The following ERN1 variants were observed in gnomAD, a reference collection of about 807,000 sequenced individuals.
ERN1 encodes serine/threonine-protein kinase/endoribonuclease IRE1.
ERN1 carries 39 observed loss-of-function variants against 113.1 expected under a neutral mutation model. The ratio of observed to expected loss-of-function variants is 0.34; its 90% CI spans 0.27 to 0.45. The LOEUF is 0.45. Ranked by LOEUF, ERN1 falls within the 20% of genes least tolerant of loss-of-function variation. The probability of loss-of-function intolerance (pLI) is 1.00; values close to 1 mark genes in which losing one functional copy is unlikely to be tolerated. For synonymous variants in ERN1, 507 were observed against 515.9 expected (o/e 0.98, Z 0.23); for missense variants, 976 against 1,274.8 (o/e 0.77, Z 3.57).
At chr17:64,067,974 G>A in intron 7 of ERN1, 2 of 506,402 alleles carry the variant, frequency 3.9e-6, no homozygotes, top group South Asian at 5.5e-5. Flanking sequence ...GGCTAAGCTT[G>A]TCACCATTTT....
chr17:64,098,778 T>TA (rs1408595802), intron 1 of ERN1, among the ~76,000 whole-genome samples: 2 of 152,016 alleles, frequency 1.3e-5, no homozygotes, highest in Non-Finnish European at 2.9e-5. Flanking sequence ...AGTAAATGAA[T>TA]AAAAAGCATA....
At position 64,112,654 on chromosome 17, in the gene ERN1, A is replaced by G. The variant is rs531845223; in HGVS notation, c.55-14413T>C. On this transcript the variant is annotated intron_variant, in intron 1 of 21. Coordinates refer to ENST00000433197, the MANE Select transcript of ERN1 (RefSeq NM_001433.5). ...CATCCATAAAATGGGGATAATGCTA[A>G]TTAACTTTAAAAAGTTGTTGGGAAA... Among the ~76,000 whole-genome samples, 10 of 152,338 alleles carry G rather than the reference A, an allele frequency of 6.6e-5. No individual in the cohort carries two copies. In the East Asian group the frequency reaches 1.9e-3, roughly 29 times the overall value.
At chr17:64,067,169 A>C (rs564711895) in intron 7 of ERN1, among the ~76,000 whole-genome samples, 1 of 152,286 alleles carries the variant, frequency 6.6e-6, no homozygotes, top group African/African-American at 2.4e-5. Flanking sequence ...TCCCAAAGGC[A>C]ATTTATTTGG....
intron 2 of ERN1, 132 bp from the exon 3 acceptor site, chr17:64,080,940 C>A: frequency 1.3e-6 from 1 of 770,664 alleles, no homozygotes; most frequent in South Asian, 1.6e-5. Flanking sequence ...TGGGCTAGTG[C>A]ACGTGAAGGT....
chr17:64,093,268 A>T (rs1326425198), intron 2 of ERN1, among the ~76,000 whole-genome samples: 1 of 152,226 alleles, frequency 6.6e-6, no homozygotes, highest in Non-Finnish European at 1.5e-5. Context: ...TGTTTGCATC[A>T]GCAAGTTTAT....
chr17:64,103,003 T>A, intron 1 of ERN1: 6 of 971,830 alleles, frequency 6.2e-6, no homozygotes, highest in Non-Finnish European at 7.3e-6. Flanking sequence ...AGGCATCTAG[T>A]CTAGCCTAAA....
intron 2 of ERN1, among the ~76,000 whole-genome samples, chr17:64,084,434 A>G (rs947500785): frequency 2.0e-5 from 3 of 152,164 alleles, no homozygotes; most frequent in Non-Finnish European, 4.4e-5. Flanking sequence ...GGAATCAGAC[A>G]AACCAAGGCA....
rs5821420 is a variant in ERN1 at position 64,075,251 on chromosome 17, TAAAAAAAAA to T, written c.283-13_283-5del. ...CTGGGATGGTAAAAGGAAGTTTCTT[TAAAAAAAAA>T]AAAAAAGAAAAAAAAAAGTTAACCA... On this transcript the variant is annotated splice_polypyrimidine_tract_variant and splice_region_variant and intron_variant, in intron 4 of 21. Coordinates refer to ENST00000433197, the MANE Select transcript of ERN1 (RefSeq NM_001433.5). 3.9e-6 allele frequency: 5 copies of T among 1,288,340 alleles called. No individual in the cohort carries two copies. Among genetic ancestry groups the T allele is most frequent in the South Asian group, 3.1e-5 (2 of 65,480 alleles). The allele number at this position is 1,288,340 out of a possible 1,614,324, so 79.8% of individuals were successfully genotyped here.
rs1913115759 is a variant in ERN1 at position 64,063,465 on chromosome 17, C to A, written c.1087+521G>T. The stretch of plus-strand genomic sequence containing the variant: ...AGAGGAAAAAAGGGACCTTCCCACA[C>A]ACCTGGGATGACACTGCCCTAGAAC... On this transcript the variant is annotated intron_variant, in intron 10 of 21. Transcript: ENST00000433197. The surrounding 1 kb of genome is among the most constrained non-coding windows in gnomAD (Gnocchi z 5.1). 6.6e-6 allele frequency among the ~76,000 whole-genome samples: 1 copy of A among 152,212 alleles called. No individual in the cohort carries two copies. Among genetic ancestry groups the A allele is most frequent in the South Asian group, 2.1e-4 (1 of 4,834 alleles).
chr17:64,054,652 G>T lies in ERN1; in HGVS notation c.1763+86C>A. On this transcript the variant is annotated intron_variant, in intron 14 of 21. Coordinates refer to ENST00000433197, the MANE Select transcript of ERN1 (RefSeq NM_001433.5). This position sits in a 1 kb window ranked among gnomAD's most constrained non-coding sequence, Gnocchi z 4.9. ...TCTAGGTCACTGCTTTGACCCTGCT[G>T]TGCTCTGAGCCTGGCACCAGGCTCG... 1 of 1,154,714 alleles carries T rather than the reference G, an allele frequency of 8.7e-7. No individual in the cohort carries two copies. The highest frequency in any genetic ancestry group is 1.2e-6 in the Non-Finnish European group (1 of 803,836). The allele number at this position is 1,154,714 out of a possible 1,614,324, so 71.5% of individuals were successfully genotyped here.
intron 2 of ERN1, among the ~76,000 whole-genome samples, chr17:64,084,367 C>T (rs1003091905): frequency 6.6e-6 from 1 of 152,106 alleles, no homozygotes; most frequent in African/African-American, 2.4e-5. Context: ...CCCTTCAACA[C>T]CATAGGAACC....
At chr17:64,060,232 T>C (rs1913008285) in intron 11 of ERN1, among the ~76,000 whole-genome samples, 1 of 152,152 alleles carries the variant, frequency 6.6e-6, no homozygotes, top group African/African-American at 2.4e-5. Context: ...ATCCTACCCA[T>C]TCATCCAGGT....
In ERN1 at chr17:64,044,584, G is replaced by A. The variant is rs1290942142; in HGVS notation, c.2721+276C>T. Among the ~76,000 whole-genome samples the A allele has an allele frequency of 2.0e-5, 3 of 152,226 alleles. No homozygotes were observed. In the South Asian group the frequency reaches 6.2e-4, roughly 32 times the overall value. ...ACACACAGTGGCTGCATCAGACAGG[G>A]AGAGGGCCCCACAAAAGTCAGCGAC... On this transcript the variant is annotated intron_variant, in intron 21 of 21. Transcript: ENST00000433197. This position sits in a 1 kb window ranked among gnomAD's most constrained non-coding sequence, Gnocchi z 4.1.
chr17:64,076,745 G>A (rs1015240599), intron 4 of ERN1, among the ~76,000 whole-genome samples: 1 of 152,000 alleles, frequency 6.6e-6, no homozygotes, highest in Non-Finnish European at 1.5e-5. Context: ...GACTACAGGC[G>A]CCCGCCACTG....
At position 64,043,052 on chromosome 17, in the gene ERN1, G is replaced by T. The variant is rs1912389334; in HGVS notation, c.*936C>A. ...ACGAGCCTCTTGTTCCACCGGCCTT[G>T]GGGACGAAGGAGTTTGACTGCCTAC... On this transcript the variant is annotated 3_prime_UTR_variant, in exon 22 of 22. Coordinates refer to ENST00000433197, the MANE Select transcript of ERN1 (RefSeq NM_001433.5). The T allele has an allele frequency of 6.6e-6, 1 of 152,406 alleles. No individual in the cohort carries two copies. 9.4% of individuals were successfully genotyped at this position (152,406 alleles called of 1,614,324 possible). A position where few individuals can be genotyped will look rare whatever the true frequency, so the allele number is the denominator to read the frequency against.
rs529401094 is a variant in ERN1 at position 64,043,228 on chromosome 17, C to G, written c.*760G>C. The G allele has an allele frequency of 6.5e-6, 1 of 153,026 alleles. No homozygotes were observed. Among genetic ancestry groups the G allele is most frequent in the South Asian group, 2.1e-4 (1 of 4,840 alleles). The allele number at this position is 153,026 out of a possible 1,614,324, so 9.5% of individuals were successfully genotyped here. On this transcript the variant is annotated 3_prime_UTR_variant, in exon 22 of 22. Transcript: ENST00000433197. ...TCTTGCCCCAGGCGCTCCTGAGCAC[C>G]ACCCCGAGATGGCCCGGGACACACC... is the stretch of plus-strand genomic sequence containing the variant.
chr17:64,102,626 T>A, intron 1 of ERN1: 2 of 973,202 alleles, frequency 2.1e-6, no homozygotes, highest in Non-Finnish European at 2.4e-6. Context: ...TAAACATGTT[T>A]CCAGATGCCT....
intron 19 of ERN1, among the ~76,000 whole-genome samples, chr17:64,047,048 T>C (rs1211736127): frequency 6.6e-6 from 1 of 152,170 alleles, no homozygotes; most frequent in Non-Finnish European, 1.5e-5. Context: ...AAATACAATA[T>C]AAGAAAGCAC....
chr17:64,065,976 T>G (rs1913211029), intron 8 of ERN1, among the ~76,000 whole-genome samples: 1 of 152,144 alleles, frequency 6.6e-6, no homozygotes, highest in South Asian at 2.1e-4. Context: ...ACGAATACCT[T>G]ACATTTGAAT....
Sources: gnomAD v4.1 joint callset for allele counts (sites outside exome capture counted in the v4.1 genomes callset) on GRCh38, gnomAD v4.1.1 for gene constraint, Gnocchi (gnomAD v3.1) non-coding constraint, MANE v1.5 for transcripts, NCBI Gene and HGNC (gene_info 2026-07-23, HGNC 2026-07-21) for gene names.